Variants in MBNL2 observed in about 807,000 individuals in gnomAD.
MBNL2 encodes muscleblind like splicing regulator 2.
MBNL2 carries 17 observed loss-of-function variants against 41.9 expected under a neutral mutation model. The ratio of observed to expected loss-of-function variants is 0.41; its 90% confidence interval spans 0.28 to 0.61. The LOEUF (loss-of-function observed/expected upper bound fraction) is 0.61. Ranked by LOEUF, MBNL2 falls within the 20% of genes least tolerant of loss-of-function variation. MBNL2 has a pLI of 0.35. For missense variants in MBNL2, 336 were observed against 505.6 expected, an observed-to-expected ratio of 0.66 and a Z score of 3.22; for synonymous variants, 195 against 182.9, an observed-to-expected ratio of 1.07 and a Z score of -0.53.
chr13:97,356,858 A>T lies in MBNL2; in HGVS notation c.858+9A>T. On this transcript the variant is annotated intron_variant, in intron 6 of 8. Transcript: ENST00000679496. ...AAGCAACTGTAGACCTGGTACTTTG[A>T]CCTTTCACCTTTCGCTTTGCATGTA... 7.4e-7 allele frequency: 1 copy of T among 1,354,256 alleles called. No individual in the cohort carries two copies. The highest frequency in any genetic ancestry group is 9.9e-7 in the Non-Finnish European group (1 of 1,012,336). 83.9% of individuals were successfully genotyped at this position (1,354,256 alleles called of 1,614,324 possible).
At chr13:97,279,617 C>T (rs1414133944) in intron 2 of MBNL2, among the ~76,000 whole-genome samples, 3 of 152,134 alleles carry the variant, frequency 2.0e-5, no homozygotes, top group African/African-American at 7.2e-5. Context: ...ATTTGGGGGA[C>T]ACAATATTTT....
the MBNL2 span, among the ~76,000 whole-genome samples, chr13:97,171,469 A>T: frequency 2.0e-5 from 3 of 152,178 alleles, no homozygotes; most frequent in Non-Finnish European, 4.4e-5. Flanking sequence ...AGCTGTAAAA[A>T]AATTTTTTTG....
chr13:97,275,459 G>T (rs748943198), intron 1 of MBNL2, among the ~76,000 whole-genome samples, 173 bp from the exon 2 acceptor site: 1 of 152,090 alleles, frequency 6.6e-6, no homozygotes, highest in Admixed American at 6.5e-5. Context: ...TCTGCAATAC[G>T]GTTTCCGTTG....
intron 1 of MBNL2, among the ~76,000 whole-genome samples, chr13:97,267,526 C>T (rs1334029665): frequency 6.6e-6 from 1 of 152,266 alleles, no homozygotes; most frequent in South Asian, 2.1e-4. Context: ...TTAAATCACA[C>T]GCCTTCTGGA....
intron 8 of MBNL2, among the ~76,000 whole-genome samples, chr13:97,375,407 C>T (rs766735764): frequency 6.6e-5 from 10 of 152,182 alleles, no homozygotes; most frequent in East Asian, 1.9e-4. Context: ...GGAAAGTAAG[C>T]GCCATGGCAT....
chr13:97,379,838 G>A (rs998327870), intron 8 of MBNL2, among the ~76,000 whole-genome samples: 5 of 152,204 alleles, frequency 3.3e-5, no homozygotes, highest in African/African-American at 1.2e-4. Flanking sequence ...GCACAACCAG[G>A]TGAATGGAGT....
intron 1 of MBNL2, among the ~76,000 whole-genome samples, chr13:97,232,347 C>T (rs1490950492): frequency 3.3e-5 from 5 of 152,030 alleles, no homozygotes; most frequent in African/African-American, 9.7e-5. Context: ...CACAGATGGC[C>T]GGTATTTTTA....
At chr13:97,370,092 G>A (rs1594278898) in intron 8 of MBNL2, among the ~76,000 whole-genome samples, 1 of 152,086 alleles carries the variant, frequency 6.6e-6, no homozygotes, top group Non-Finnish European at 1.5e-5. Flanking sequence ...ACGTATAGAT[G>A]TAGACACTCA....
upstream of MBNL2, among the ~76,000 whole-genome samples, chr13:97,218,440 C>CAAAAAAAAAAAAAAA (rs372883729): frequency 3.4e-5 from 4 of 117,956 alleles, no homozygotes; most frequent in East Asian, 2.3e-4. Flanking sequence ...CAAAACAAAA[C>CAAAAAAAAAAAAAAA]AAAAAAAAAA....
At chr13:97,154,878 A>T in the MBNL2 span, among the ~76,000 whole-genome samples, 1 of 152,046 alleles carries the variant, frequency 6.6e-6, no homozygotes, top group Non-Finnish European at 1.5e-5. Context: ...CTTGGCTGAA[A>T]GAGGTGATTC....
chr13:97,383,011 C>T (rs1041324130), intron 8 of MBNL2, among the ~76,000 whole-genome samples: 20 of 152,158 alleles, frequency 1.3e-4, no homozygotes, highest in African/African-American at 4.3e-4. Flanking sequence ...ACTTCTAGAA[C>T]GCCAGCGGAA....
chr13:97,255,422 GC>G (rs1378395170), intron 1 of MBNL2, among the ~76,000 whole-genome samples: 1 of 152,058 alleles, frequency 6.6e-6, no homozygotes, highest in Admixed American at 6.6e-5. Context: ...TTTTCCTTGG[GC>G]CACGTAGCCA....
At chr13:97,206,892 G>C in the MBNL2 span, among the ~76,000 whole-genome samples, 1 of 152,194 alleles carries the variant, frequency 6.6e-6, no homozygotes, top group Non-Finnish European at 1.5e-5. Context: ...GACCAAACTA[G>C]TAGTGTGACC....
intron 2 of MBNL2, among the ~76,000 whole-genome samples, chr13:97,286,218 A>G (rs1025276585): frequency 2.0e-5 from 3 of 152,190 alleles, no homozygotes; most frequent in African/African-American, 7.2e-5. Context: ...TGTGTCCACT[A>G]ACAACTTTTT....
At chr13:97,329,878 T>G (rs1203380164) in intron 2 of MBNL2, among the ~76,000 whole-genome samples, 2 of 151,906 alleles carry the variant, frequency 1.3e-5, no homozygotes, top group Non-Finnish European at 2.9e-5. Context: ...CTTGCCAAGT[T>G]CCTACTCATT....
Position 97,268,073 on chromosome 13 carries a change from T to TTTCCTTCCTTCCTTCCTTCC in MBNL2, c.-604-7548_-604-7529dup, listed in dbSNP as rs57849294. ...CCTAAGAGTGTGCTTTTCTTTTTTCTTTCCTTCCTTCCTTCCTTCCTTCCT... is the reference window on the plus strand; with the variant it reads ...CCTAAGAGTGTGCTTTTCTTTTTTCTTTCCTTCCTTCCTTCCTTCCTTCCTTCCTTCCTTCCTTCCTTCCT... On this transcript the variant is annotated intron_variant, in intron 1 of 8. Coordinates refer to ENST00000679496, the MANE Select transcript of MBNL2 (RefSeq NM_001382683.1). The surrounding 1 kb of genome is among the most constrained non-coding windows in gnomAD (Gnocchi z 4.6). 1.4e-5 allele frequency among the ~76,000 whole-genome samples: 2 copies of TTTCCTTCCTTCCTTCCTTCC among 147,838 alleles called. No individual in the cohort carries two copies. The highest frequency in any genetic ancestry group is 5.1e-5 in the African/African-American group (2 of 39,482).
At chr13:97,230,308 G>T (rs2042208850) in intron 1 of MBNL2, among the ~76,000 whole-genome samples, 1 of 152,200 alleles carries the variant, frequency 6.6e-6, no homozygotes, top group African/African-American at 2.4e-5. Context: ...GACAGAAATG[G>T]GAGTGGTCTG....
At chr13:97,143,028 G>A in the MBNL2 span, among the ~76,000 whole-genome samples, 1 of 152,098 alleles carries the variant, frequency 6.6e-6, no homozygotes, top group African/African-American at 2.4e-5. Flanking sequence ...ACCTAGCCCA[G>A]ATTTATCATG....
At chr13:97,232,817 A>G (rs1401911881) in intron 1 of MBNL2, among the ~76,000 whole-genome samples, 1 of 142,586 alleles carries the variant, frequency 7.0e-6, no homozygotes, top group Non-Finnish European at 1.5e-5. Context: ...ATTTGCTGTG[A>G]TTATTTGTCG....
Sources: gnomAD v4.1 joint callset for allele counts (sites outside exome capture counted in the v4.1 genomes callset) on GRCh38, gnomAD v4.1.1 for gene constraint, Gnocchi (gnomAD v3.1) non-coding constraint, MANE v1.5 for transcripts, NCBI Gene and HGNC (gene_info 2026-07-23, HGNC 2026-07-21) for gene names.